The following SEMA3E variants were observed in gnomAD, a reference collection of about 807,000 sequenced individuals.
SEMA3E encodes semaphorin-3E.
A neutral mutation model predicts 93.6 loss-of-function variants in SEMA3E; 49 were observed. That is an observed-to-expected ratio of 0.52 (90% CI 0.42 to 0.66). The LOEUF (loss-of-function observed/expected upper bound fraction) is 0.66, where lower values mean the gene tolerates loss of function less well. Ranked by LOEUF, SEMA3E falls within the 30% of genes least tolerant of loss-of-function variation. The pLI is 0.00. For synonymous variants in SEMA3E, 363 were observed against 330.7 expected (o/e 1.10, Z -1.06); for missense variants, 906 against 964.8 (o/e 0.94, Z 0.81).
At chr7:83,626,770 C>T (rs1793678660) in intron 1 of SEMA3E, among the ~76,000 whole-genome samples, 1 of 152,074 alleles carries the variant, frequency 6.6e-6, no homozygotes, top group African/African-American at 2.4e-5. Flanking sequence ...TTTGCTCTTG[C>T]TTCTCCAAGT....
At chr7:83,543,742 A>G (rs1791585556) in intron 1 of SEMA3E, among the ~76,000 whole-genome samples, 1 of 152,202 alleles carries the variant, frequency 6.6e-6, no homozygotes, top group South Asian at 2.1e-4. Flanking sequence ...GAATAACTCT[A>G]TATTGCTCGT....
At chr7:83,521,309 A>G (rs1791044416) in intron 1 of SEMA3E, among the ~76,000 whole-genome samples, 1 of 152,122 alleles carries the variant, frequency 6.6e-6, no homozygotes, top group Non-Finnish European at 1.5e-5. Context: ...GAAAGTCATG[A>G]CAGCAAATCA....
At chr7:83,624,003 C>T (rs1181140149) in intron 1 of SEMA3E, among the ~76,000 whole-genome samples, 2 of 151,774 alleles carry the variant, frequency 1.3e-5, no homozygotes, top group African/African-American at 2.4e-5. Flanking sequence ...TGTTAGTTTG[C>T]TGAGAATGAT....
Position 83,503,230 on chromosome 7 carries a change from A to G in SEMA3E, c.116-12956T>C, listed in dbSNP as rs191101192. Among the ~76,000 whole-genome samples, 109 of 152,090 alleles carry G rather than the reference A, an allele frequency of 7.2e-4. 2 individuals are homozygous for G. Among genetic ancestry groups the G allele is most frequent in the African/African-American group, 2.5e-3 (104 of 41,518 alleles). Reference sequence around the variant, plus strand: ...TGCGTATTTTTAGGGAAAAACCTCAATTTTCTACCAATAGTAATTTGAGTC... The same window carrying G: ...TGCGTATTTTTAGGGAAAAACCTCAGTTTTCTACCAATAGTAATTTGAGTC... On this transcript the variant is annotated intron_variant, in intron 1 of 16. Coordinates refer to ENST00000643230, the MANE Select transcript of SEMA3E (RefSeq NM_012431.3).
intron 5 of SEMA3E, among the ~76,000 whole-genome samples, chr7:83,413,578 T>G (rs1788485400): frequency 6.6e-6 from 1 of 152,180 alleles, no homozygotes. Context: ...ATGACTCACA[T>G]ATTTCAACAT....
At chr7:83,431,103 A>AAAAAAAAAAAAGAAAAAAAAAAAG (rs1562779285) in intron 4 of SEMA3E, among the ~76,000 whole-genome samples, 1 of 147,332 alleles carries the variant, frequency 6.8e-6, no homozygotes. Context: ...AGAAAAAAAA[A>AAAAAAAAAAAAGAAAAAAAAAAAG]AAAAGCCCAA....
chr7:83,548,388 G>T (rs906105336), intron 1 of SEMA3E, among the ~76,000 whole-genome samples: 1 of 152,018 alleles, frequency 6.6e-6, no homozygotes, highest in Non-Finnish European at 1.5e-5. Flanking sequence ...CTTTATAGAA[G>T]TATGACTATT....
intron 1 of SEMA3E, among the ~76,000 whole-genome samples, chr7:83,531,556 T>C (rs1230941491): frequency 6.6e-6 from 1 of 151,982 alleles, no homozygotes; most frequent in Admixed American, 6.6e-5. Context: ...TTTCACTACG[T>C]TGGCCAGGCT....
At position 83,386,805 on chromosome 7, in the gene SEMA3E, G is replaced by C. The variant is rs539314437; in HGVS notation, c.1735+178C>G. Among the ~76,000 whole-genome samples the C allele has an allele frequency of 2.6e-5, 4 of 151,998 alleles. No homozygotes were observed. The South Asian group carries it at 8.3e-4, about 32-fold the overall frequency. On this transcript the variant is annotated intron_variant, in intron 15 of 16. Coordinates refer to ENST00000643230, the MANE Select transcript of SEMA3E (RefSeq NM_012431.3). ...CACATAAAACTTATTTTCCTAATCAGGTAAAAATTAGTCAAATTTTCAAAA... is the reference window on the plus strand; with the variant it reads ...CACATAAAACTTATTTTCCTAATCACGTAAAAATTAGTCAAATTTTCAAAA...
chr7:83,404,663 A>G (rs1234888642), intron 9 of SEMA3E, among the ~76,000 whole-genome samples: 1 of 152,012 alleles, frequency 6.6e-6, no homozygotes, highest in Non-Finnish European at 1.5e-5. Context: ...ATACAGAAAC[A>G]TAAAGGGGAA....
intron 1 of SEMA3E, among the ~76,000 whole-genome samples, chr7:83,559,011 T>C (rs1005373725): frequency 6.6e-6 from 1 of 152,080 alleles, no homozygotes; most frequent in Non-Finnish European, 1.5e-5. Context: ...CCAGCTACAT[T>C]GTTGGCTGAA....
At chr7:83,574,200 G>C (rs962277147) in intron 1 of SEMA3E, among the ~76,000 whole-genome samples, 15 of 152,060 alleles carry the variant, frequency 9.9e-5, no homozygotes, top group Admixed American at 5.9e-4. Flanking sequence ...TCTGTCTGAA[G>C]GACATCTCAA....
chr7:83,559,381 G>A (rs1330458694), intron 1 of SEMA3E, among the ~76,000 whole-genome samples: 1 of 151,932 alleles, frequency 6.6e-6, no homozygotes, highest in Non-Finnish European at 1.5e-5. Flanking sequence ...TTACTGTCAG[G>A]AAATAACACT....
intron 1 of SEMA3E, among the ~76,000 whole-genome samples, chr7:83,640,942 GAAGAGA>G (rs1793997112): frequency 6.6e-6 from 1 of 151,860 alleles, no homozygotes; most frequent in South Asian, 2.1e-4. Context: ...AGGAGAGGAA[GAAGAGA>G]AAGAGAAAGA....
At chr7:83,587,625 C>A (rs1041581760) in intron 1 of SEMA3E, among the ~76,000 whole-genome samples, 9 of 151,722 alleles carry the variant, frequency 5.9e-5, no homozygotes, top group African/African-American at 2.2e-4. Flanking sequence ...TAGAAAAAAA[C>A]TAAAAACCAT....
At position 83,367,860 on chromosome 7, in the gene SEMA3E, T is replaced by C. The variant is rs747326285; in HGVS notation, c.2054A>G (p.Asp685Gly). ...EEKVEDMFNK[D>G]DEEDRHHRMP... ...CCTGTGATGCCTGTCCTCCTCATCGTCCTTGTTAAACATATCCTCGACTTT... is the reference window on the plus strand; with the variant it reads ...CCTGTGATGCCTGTCCTCCTCATCGCCCTTGTTAAACATATCCTCGACTTT... Residue 685 changes from aspartate (D) to glycine (G), a missense_variant, in exon 17 of 17, where the codon GAC (aspartate) becomes GGC (glycine). Transcript: ENST00000643230. The C allele has an allele frequency of 3.7e-6, 6 of 1,612,974 alleles. No individual in the cohort carries two copies. In the Admixed American group the frequency reaches 1.0e-4, roughly 27 times the overall value.
intron 1 of SEMA3E, among the ~76,000 whole-genome samples, chr7:83,647,872 T>C (rs1247497427): frequency 6.6e-6 from 1 of 152,218 alleles, no homozygotes; most frequent in Non-Finnish European, 1.5e-5. Flanking sequence ...CTAATTTATA[T>C]TAGTTGTTAA....
At chr7:83,627,628 C>CTTTTTTTTTTTTTTTTTTTTTTTTTTCTT (rs746550123) in intron 1 of SEMA3E, among the ~76,000 whole-genome samples, 1 of 65,348 alleles carries the variant, frequency 1.5e-5, no homozygotes, top group Admixed American at 2.0e-4. Flanking sequence ...GCAACCCCTG[C>CTTTTTTTTTTTTTTTTTTTTTTTTTTCTT]TTTTTTTTTT....
chr7:83,588,238 T>A (rs527293969), intron 1 of SEMA3E, among the ~76,000 whole-genome samples: 1 of 151,924 alleles, frequency 6.6e-6, no homozygotes, highest in South Asian at 2.1e-4. Flanking sequence ...AAAAATTAGC[T>A]GGGCATGGTG....
Sources: allele counts gnomAD v4.1 joint callset (sites outside exome capture counted in the v4.1 genomes callset), GRCh38; gene constraint gnomAD v4.1.1; transcripts MANE v1.5; gene names NCBI Gene and HGNC (gene_info 2026-07-23, HGNC 2026-07-21).